DNHD1: variants seen among roughly 807,000 people sequenced by gnomAD.
DNHD1 encodes dynein heavy chain domain-containing protein 1.
Under a neutral mutation model 458.1 loss-of-function variants are expected in DNHD1, and 383 were observed. That is an observed-to-expected ratio of 0.84 (90% CI 0.77 to 0.91). The LOEUF is 0.91. DNHD1 is among the 40% of genes least tolerant of loss of function. The pLI is 0.00. For missense variants in DNHD1, 5,336 were observed against 5,866.1 expected, an observed-to-expected ratio of 0.91 and a Z score of 2.95; for synonymous variants, 2,203 against 2,376.9, an observed-to-expected ratio of 0.93 and a Z score of 2.13.
intron 18 of DNHD1, among the ~76,000 whole-genome samples, chr11:6,543,413 C>T (rs1168060611): frequency 2.0e-5 from 3 of 152,298 alleles, no homozygotes; most frequent in Admixed American, 1.3e-4. Flanking sequence ...CGTTTTAAGA[C>T]AGAATGGGCA....
chr11:6,512,477 C>T (rs868795938), intron 7 of DNHD1, among the ~76,000 whole-genome samples: 1 of 151,976 alleles, frequency 6.6e-6, no homozygotes, highest in Non-Finnish European at 1.5e-5. Context: ...CCACCTCGGC[C>T]TCCCAAAGTG....
In DNHD1 at chr11:6,539,958, G is replaced by A. The variant is rs1193025557; in HGVS notation, c.3503G>A (p.Arg1168His). Residue 1168 changes from arginine (R) to histidine (H), a missense_variant, in exon 18 of 43, where the codon CGC (arginine) becomes CAC (histidine). Coordinates refer to ENST00000254579, the MANE Select transcript of DNHD1 (RefSeq NM_144666.3). Reference sequence around the variant, plus strand: ...CGGTACTGGGAAGCGCGCCAGCTGCGCCTGCTCAACTTCATCCTGCATGTA... The same window carrying A: ...CGGTACTGGGAAGCGCGCCAGCTGCACCTGCTCAACTTCATCCTGCATGTA... ...LQRYWEARQLRLLNFILHVPY... is the reference protein window; with the variant it reads ...LQRYWEARQLHLLNFILHVPY... 6 of 1,551,592 alleles carry A rather than the reference G, an allele frequency of 3.9e-6. No homozygotes were observed. The highest frequency in any genetic ancestry group is 4.9e-5 in the East Asian group (2 of 40,938).
chr11:6,516,256 T>C (rs1852461978), intron 7 of DNHD1, among the ~76,000 whole-genome samples: 1 of 152,006 alleles, frequency 6.6e-6, no homozygotes, highest in Non-Finnish European at 1.5e-5. Flanking sequence ...AAATACATGT[T>C]TTCACTCTCT....
Position 6,570,048 on chromosome 11 carries a change from C to G in DNHD1, c.12903C>G (p.Asp4301Glu). 6.2e-7 allele frequency: 1 copy of G among 1,613,946 alleles called. No individual in the cohort carries two copies. The highest frequency in any genetic ancestry group is 1.1e-5 in the South Asian group (1 of 91,084). The change falls in exon 40 of 43, where the codon GAC becomes GAG. Residue 4301 changes from aspartate to glutamate, a missense_variant. By Grantham distance (45) the Asp-to-Glu change is conservative. Transcript: ENST00000254579. ...VTLTQVLQTQ[D>E]QLWASLSNPR... ...TAACCCAGGTTCTTCAGACCCAAGA[C>G]CAGCTGTGGGCAAGTCTTAGCAATC... is the stretch of plus-strand genomic sequence containing the variant.
At chr11:6,519,503 G>A in intron 7 of DNHD1, 97 bp from the exon 8 acceptor site, 1 of 1,397,818 alleles carries the variant, frequency 7.2e-7, no homozygotes, top group Non-Finnish European at 9.9e-7. Context: ...TAGGTTCTAG[G>A]TCCCAGACTC....
At chr11:6,564,273 A>T in intron 31 of DNHD1, 60 bp from the exon 32 acceptor site, 1 of 1,476,692 alleles carries the variant, frequency 6.8e-7, no homozygotes, top group East Asian at 2.5e-5. Flanking sequence ...CCTCTGCCAT[A>T]TCTCTGCCTG....
At chr11:6,543,997 A>T in intron 18 of DNHD1, 124 bp from the exon 19 acceptor site, 1 of 821,116 alleles carries the variant, frequency 1.2e-6, no homozygotes, top group Non-Finnish European at 1.8e-6. Context: ...GGAAAGAAAA[A>T]GACAGAAAGG....
intron 3 of DNHD1, among the ~76,000 whole-genome samples, chr11:6,500,711 C>T (rs2134362585): frequency 6.6e-6 from 1 of 152,290 alleles, no homozygotes; most frequent in Non-Finnish European, 1.5e-5. Flanking sequence ...ATTACGTTCT[C>T]CCGGAGTGGT....
In DNHD1 at chr11:6,567,404, C is replaced by A; in HGVS notation, c.11895C>A (p.Pro3965=). 1 of 1,613,580 alleles carries A rather than the reference C, an allele frequency of 6.2e-7. No individual in the cohort carries two copies. The highest frequency in any genetic ancestry group is 2.2e-5 in the East Asian group (1 of 44,868). The change falls in exon 36 of 43, where the codon CCC becomes CCA. Residue 3965 remains proline, a synonymous_variant. Coordinates refer to ENST00000254579, the MANE Select transcript of DNHD1 (RefSeq NM_144666.3). The part of the protein sequence containing the change: ...LALWPGLAAS[P]STVHSKPVSD... ...TCTGGCCTGGACTAGCAGCCTCTCC[C>A]AGCACAGTCCACAGCAAGCCAGTCT...
chr11:6,564,302 A>G (rs1314953103), intron 31 of DNHD1, 31 bp from the exon 32 acceptor site: 19 of 1,509,226 alleles, frequency 1.3e-5, no homozygotes, highest in African/African-American at 4.2e-5. Context: ...TCACTGGCCT[A>G]CACAGCCTCT....
At chr11:6,518,737 A>C (rs966169509) in intron 7 of DNHD1, among the ~76,000 whole-genome samples, 13 of 152,188 alleles carry the variant, frequency 8.5e-5, no homozygotes, top group Non-Finnish European at 1.6e-4. Flanking sequence ...ACATGGAAGA[A>C]AACATCTCAC....
intron 21 of DNHD1, 27 bp downstream of exon 21, chr11:6,547,693 G>A: frequency 1.3e-6 from 2 of 1,505,298 alleles, no homozygotes; most frequent in Non-Finnish European, 8.9e-7. Context: ...GCTGGTTTGA[G>A]AGAGATGGGG....
chr11:6,522,338 C>G (rs139040503), intron 10 of DNHD1, among the ~76,000 whole-genome samples: 2 of 152,052 alleles, frequency 1.3e-5, no homozygotes, highest in African/African-American at 4.8e-5. Context: ...GAAGCTCTTA[C>G]GTTTAACTGG....
rs964791622 is a variant in DNHD1 at position 6,498,132 on chromosome 11, C to T, written c.-84C>T. 5 of 1,552,202 alleles carry T rather than the reference C, an allele frequency of 3.2e-6. No homozygotes were observed. The highest frequency in any genetic ancestry group is 1.8e-5 in the Admixed American group (1 of 55,666). On this transcript the variant is annotated 5_prime_UTR_variant, in exon 3 of 43. Transcript: ENST00000254579. ...TGGGCTGGCCCATGCAGGTGAGGCC[C>T]CGCATCTGGCATCCTGGAACTGGCA...
At position 6,547,514 on chromosome 11, in the gene DNHD1, T is replaced by A; in HGVS notation, c.6575T>A (p.Phe2192Tyr). ...AEVLVPATLRFLTCQGVSSLL... is the reference protein window; with the variant it reads ...AEVLVPATLRYLTCQGVSSLL... ...GTTCTGGTGCCTGCAACATTGCGAT[T>A]CCTCACCTGCCAAGGTGTCAGCTCT... is the stretch of plus-strand genomic sequence containing the variant. The change falls in exon 21 of 43, where the codon TTC (phenylalanine) becomes TAC (tyrosine). Residue 2192 changes from phenylalanine to tyrosine, a missense_variant. By Grantham distance (22) the Phe-to-Tyr change is conservative. Transcript: ENST00000254579. 6.4e-7 allele frequency: 1 copy of A among 1,551,086 alleles called. No individual in the cohort carries two copies. The highest frequency in any genetic ancestry group is 8.7e-7 in the Non-Finnish European group (1 of 1,146,452).
chr11:6,568,383 C>T (rs777365736), intron 37 of DNHD1, 71 bp from the exon 38 acceptor site: 228 of 1,597,346 alleles, frequency 1.4e-4, no homozygotes, highest in Non-Finnish European at 1.8e-4. Flanking sequence ...CCCCTAGCCT[C>T]AAGTCTGATT....
rs944044233 is a variant in DNHD1, at chr11:6,567,064, C to G, written c.11555C>G (p.Pro3852Arg). 1.2e-6 allele frequency: 2 copies of G among 1,614,070 alleles called. No individual in the cohort carries two copies. Among genetic ancestry groups the G allele is most frequent in the Non-Finnish European group, 1.7e-6 (2 of 1,179,904 alleles). ...ATGGTATTGTGGGCACCCTATCGAC[C>G]TGTGGTTTGGCATGGAATGGCCATG... ...QEMVLWAPYRPVVWHGMAMVK... is the reference protein window; with the variant it reads ...QEMVLWAPYRRVVWHGMAMVK... The change falls in exon 36 of 43, where the codon CCT becomes CGT. Residue 3852 changes from proline to arginine, a missense_variant. Around this residue, in one of 4 missense-constraint regions of DNHD1, gnomAD observed 695 missense variants for 804.2 expected, o/e 0.86. Coordinates refer to ENST00000254579, the MANE Select transcript of DNHD1 (RefSeq NM_144666.3).
intron 12 of DNHD1, among the ~76,000 whole-genome samples, chr11:6,531,948 G>A (rs1186976596): frequency 3.3e-5 from 5 of 152,064 alleles, no homozygotes; most frequent in African/African-American, 1.2e-4. Context: ...ATGAAGTGGA[G>A]CCATGCTGCC....
At chr11:6,509,614 C>T (rs1046758546) in intron 6 of DNHD1, among the ~76,000 whole-genome samples, 4 of 152,130 alleles carry the variant, frequency 2.6e-5, no homozygotes, top group African/African-American at 9.7e-5. Flanking sequence ...CACTTGCACT[C>T]ACGTAATTAT....
Sources: allele counts gnomAD v4.1 joint callset (sites outside exome capture counted in the v4.1 genomes callset), GRCh38; gene constraint gnomAD v4.1.1; regional missense constraint gnomAD v4.1.1; transcripts MANE v1.5; gene names NCBI Gene and HGNC (gene_info 2026-07-23, HGNC 2026-07-21).